Variants in TMEM236 observed in about 807,000 individuals in gnomAD.
TMEM236 encodes the protein transmembrane protein 236.
Under a neutral mutation model 14.7 loss-of-function variants are expected in TMEM236, and 11 were observed. That is an observed-to-expected ratio of 0.75 (90% CI 0.47 to 1.24). TMEM236 has a LOEUF of 1.24. TMEM236 is among the 50% of genes most tolerant of loss of function. TMEM236 has a pLI of 0.00. For missense variants in TMEM236, 464 were observed against 427.3 expected, an observed-to-expected ratio of 1.09 and a Z score of -0.76; for synonymous variants, 182 against 168.6, an observed-to-expected ratio of 1.08 and a Z score of -0.62.
At chr10:17,794,840 C>T (rs895652474) in intron 3 of TMEM236, among the ~76,000 whole-genome samples, 2 of 152,114 alleles carry the variant, frequency 1.3e-5, no homozygotes, top group Non-Finnish European at 2.9e-5. Flanking sequence ...GAGTTTGAAA[C>T]CAGCCTGGCC....
chr10:17,768,347 T>G (rs1012152758), intron 1 of TMEM236, among the ~76,000 whole-genome samples: 1 of 152,230 alleles, frequency 6.6e-6, no homozygotes, highest in African/African-American at 2.4e-5. Flanking sequence ...TAAAAAGAAT[T>G]TGGATTACTA....
At chr10:17,789,165 G>C (rs1405198580) in intron 3 of TMEM236, among the ~76,000 whole-genome samples, 1 of 152,172 alleles carries the variant, frequency 6.6e-6, no homozygotes, top group African/African-American at 2.4e-5. Context: ...CACCTGTGTA[G>C]GTTATATCTG....
intron 3 of TMEM236, among the ~76,000 whole-genome samples, chr10:17,787,316 C>A (rs1340714528): frequency 2.6e-5 from 4 of 152,222 alleles, no homozygotes; most frequent in Non-Finnish European, 4.4e-5. Flanking sequence ...GAGCTAAGTC[C>A]CCTTAGTGTT....
At chr10:17,790,098 C>T (rs1314987380) in intron 3 of TMEM236, among the ~76,000 whole-genome samples, 2 of 152,062 alleles carry the variant, frequency 1.3e-5, no homozygotes, top group East Asian at 3.9e-4. Flanking sequence ...GGCGTCATAG[C>T]GCATGCCTGT....
chr10:17,769,373 G>A (rs943944704), intron 1 of TMEM236, among the ~76,000 whole-genome samples: 4 of 152,150 alleles, frequency 2.6e-5, no homozygotes, highest in African/African-American at 9.7e-5. Flanking sequence ...CATCCAAGTG[G>A]AAGTGCCTAA....
intron 1 of TMEM236, among the ~76,000 whole-genome samples, chr10:17,770,673 G>A (rs1005749240): frequency 1.3e-5 from 2 of 152,170 alleles, no homozygotes; most frequent in Non-Finnish European, 2.9e-5. Flanking sequence ...GTGAGCCACC[G>A]TGCCCGGCCA....
At chr10:17,755,923 G>T (rs1163343990) in intron 1 of TMEM236, among the ~76,000 whole-genome samples, 3 of 152,076 alleles carry the variant, frequency 2.0e-5, no homozygotes, top group Non-Finnish European at 4.4e-5. Flanking sequence ...ATTCTTTATA[G>T]ATCACTGATT....
intron 1 of TMEM236, among the ~76,000 whole-genome samples, chr10:17,764,153 G>A (rs1429882827): frequency 6.6e-6 from 1 of 152,168 alleles, no homozygotes; most frequent in African/African-American, 2.4e-5. Context: ...TGAGCAGAGT[G>A]TCATCTCCCA....
At chr10:17,777,743 TTTTTG>T (rs1195488157) in intron 3 of TMEM236, among the ~76,000 whole-genome samples, 7 of 152,100 alleles carry the variant, frequency 4.6e-5, no homozygotes, top group East Asian at 1.9e-4. Flanking sequence ...ATGAGTTGTT[TTTTTG>T]TTTTGTTTTG....
At chr10:17,765,896 C>T (rs1837454772) in intron 1 of TMEM236, among the ~76,000 whole-genome samples, 2 of 152,204 alleles carry the variant, frequency 1.3e-5, no homozygotes, top group African/African-American at 4.8e-5. Context: ...TGAAAGATAA[C>T]ACATTTGCAG....
At chr10:17,777,024 T>C (rs1837668571) in intron 3 of TMEM236, among the ~76,000 whole-genome samples, 2 of 152,104 alleles carry the variant, frequency 1.3e-5, no homozygotes, top group South Asian at 4.1e-4. Flanking sequence ...ATGGGTAAGG[T>C]TTGTCAGGTT....
chr10:17,753,728 T>A (rs1589136729), intron 1 of TMEM236, among the ~76,000 whole-genome samples: 1 of 152,254 alleles, frequency 6.6e-6, no homozygotes, highest in African/African-American at 2.4e-5. Flanking sequence ...TGTGTCTGTA[T>A]AATAGAATGA....
intron 1 of TMEM236, among the ~76,000 whole-genome samples, chr10:17,761,816 C>A (rs1837368947): frequency 6.6e-6 from 1 of 152,106 alleles, no homozygotes; most frequent in Non-Finnish European, 1.5e-5. Context: ...TGGAGCTGGG[C>A]AAACTCTTAC....
Position 17,796,314 on chromosome 10 carries a change from T to G in TMEM236, c.866T>G (p.Leu289Arg). The G allele has an allele frequency of 1.2e-6, 2 of 1,613,978 alleles. No homozygotes were observed. Among genetic ancestry groups the G allele is most frequent in the East Asian group, 4.5e-5 (2 of 44,888 alleles). Reference sequence around the variant, plus strand: ...ACATTCACTCCCCAAAACCCTCTTCTCAATTCCCTGAGCGTCCTGCTGCAA... The same window carrying G: ...ACATTCACTCCCCAAAACCCTCTTCGCAATTCCCTGAGCGTCCTGCTGCAA... ...RITFTPQNPL[L>R]NSLSVLLQDL... Residue 289 changes from leucine to arginine, a missense_variant, in exon 4 of 4, where the codon CTC (leucine) becomes CGC (arginine). Leu to Arg is a moderately radical substitution (Grantham distance 102). Transcript: ENST00000377495.
intron 1 of TMEM236, among the ~76,000 whole-genome samples, chr10:17,759,990 A>AC (rs1837335336): frequency 7.4e-6 from 1 of 136,052 alleles, no homozygotes; most frequent in Admixed American, 8.1e-5. Context: ...CTCAAAAAAA[A>AC]AAAAAAAAAA....
chr10:17,768,825 A>G (rs1837520390), intron 1 of TMEM236, among the ~76,000 whole-genome samples: 1 of 152,034 alleles, frequency 6.6e-6, no homozygotes, highest in South Asian at 2.1e-4. Context: ...CATATCATGT[A>G]CAGCATGTAG....
chr10:17,769,139 C>A (rs1252381318), intron 1 of TMEM236, among the ~76,000 whole-genome samples: 3 of 152,084 alleles, frequency 2.0e-5, no homozygotes, highest in Non-Finnish European at 4.4e-5. Flanking sequence ...ATTTAAAAAA[C>A]GTGAAGACAA....
At chr10:17,779,291 A>G (rs1381316416) in intron 3 of TMEM236, among the ~76,000 whole-genome samples, 1 of 151,918 alleles carries the variant, frequency 6.6e-6, no homozygotes, top group Non-Finnish European at 1.5e-5. Flanking sequence ...ATGACCTTGA[A>G]CCACCTAGAA....
intron 3 of TMEM236, among the ~76,000 whole-genome samples, chr10:17,787,898 A>T (rs986455273): frequency 3.9e-4 from 59 of 152,310 alleles, no homozygotes; most frequent in South Asian, 1.2e-3. Context: ...GTATCCAAGC[A>T]CTTAAAACTC....
Sources: allele counts gnomAD v4.1 joint callset (sites outside exome capture counted in the v4.1 genomes callset), GRCh38; gene constraint gnomAD v4.1.1; transcripts MANE v1.5; gene names NCBI Gene and HGNC (gene_info 2026-07-23, HGNC 2026-07-21).